Variants in PDGFRL observed in about 807,000 individuals in gnomAD.
PDGFRL encodes platelet-derived growth factor receptor-like protein.
Under a neutral mutation model 37.2 loss-of-function variants are expected in PDGFRL, and 46 were observed. The observed-to-expected ratio is 1.24, with a 90% CI of 0.98 to 1.58. The LOEUF (loss-of-function observed/expected upper bound fraction) is 1.58. PDGFRL is among the 40% of genes most tolerant of loss of function. The pLI is 0.00. For synonymous variants in PDGFRL, 251 were observed against 184.3 expected, an observed-to-expected ratio of 1.36 and a Z score of -2.93; for missense variants, 692 against 467.6, an observed-to-expected ratio of 1.48 and a Z score of -4.43.
intron 2 of PDGFRL, among the ~76,000 whole-genome samples, chr8:17,595,065 A>C (rs1217607574): frequency 6.6e-6 from 1 of 151,928 alleles, no homozygotes; most frequent in Non-Finnish European, 1.5e-5. Context: ...TTTTGAATAC[A>C]CAAGCCGGGT....
intron 4 of PDGFRL, among the ~76,000 whole-genome samples, chr8:17,629,960 C>T (rs894804418): frequency 5.3e-5 from 8 of 152,276 alleles, no homozygotes; most frequent in African/African-American, 1.7e-4. Context: ...ACTCACTACC[C>T]ACACCCGGCA....
intron 2 of PDGFRL, among the ~76,000 whole-genome samples, 187 bp downstream of exon 2, chr8:17,589,952 C>G (rs1803899325): frequency 6.6e-6 from 1 of 151,982 alleles, no homozygotes; most frequent in Admixed American, 6.6e-5. Context: ...CAATTGCAGG[C>G]CGGGTGCGGT....
chr8:17,641,892 G>C (rs1445993701), intron 5 of PDGFRL, among the ~76,000 whole-genome samples: 1 of 8,244 alleles, frequency 1.2e-4, no homozygotes, highest in Non-Finnish European at 2.2e-4. Context: ...ATTTTCAATA[G>C]AGGTCCCCGC....
At chr8:17,601,654 A>G (rs1264787739) in intron 2 of PDGFRL, among the ~76,000 whole-genome samples, 1 of 151,966 alleles carries the variant, frequency 6.6e-6, no homozygotes, top group East Asian at 1.9e-4. Context: ...TGTGTCTATA[A>G]TTCCTGTCTT....
At chr8:17,624,647 C>T (rs1012102967) in intron 3 of PDGFRL, among the ~76,000 whole-genome samples, 1 of 152,126 alleles carries the variant, frequency 6.6e-6, no homozygotes, top group Non-Finnish European at 1.5e-5. Flanking sequence ...TGGCTCATGC[C>T]TATAATCCCC....
rs1409629457 is a variant in PDGFRL at position 17,580,822 on chromosome 8, G to T, written c.55+3515G>T. On this transcript the variant is annotated intron_variant, in intron 1 of 5. Coordinates refer to ENST00000251630, the MANE Select transcript of PDGFRL (RefSeq NM_001372073.1). ...TAAGATGCGGGTAGAATCCTTCCCT[G>T]CCTCCACTAGCTTCTGGTTGTGGTC... is the stretch of plus-strand genomic sequence containing the variant. 2.6e-5 allele frequency among the ~76,000 whole-genome samples: 4 copies of T among 152,086 alleles called. No homozygotes were observed. In the East Asian group the frequency reaches 7.7e-4, roughly 29 times the overall value.
chr8:17,581,203 A>G (rs1039095433), intron 1 of PDGFRL, among the ~76,000 whole-genome samples: 2 of 152,122 alleles, frequency 1.3e-5, no homozygotes, highest in Non-Finnish European at 2.9e-5. Flanking sequence ...ATGGATAGCC[A>G]TAAGCCTGCC....
intron 5 of PDGFRL, among the ~76,000 whole-genome samples, chr8:17,638,777 AT>A (rs1563532528): frequency 4.3e-4 from 40 of 92,964 alleles, no homozygotes; most frequent in South Asian, 1.6e-3. Context: ...ATATATATAT[AT>A]ATATATATAA....
chr8:17,587,497 A>T (rs1803841598), intron 1 of PDGFRL, among the ~76,000 whole-genome samples: 1 of 152,146 alleles, frequency 6.6e-6, no homozygotes, highest in Admixed American at 6.5e-5. Context: ...TAAAGTATTT[A>T]TGGGGCACAG....
intron 4 of PDGFRL, among the ~76,000 whole-genome samples, chr8:17,632,436 G>A (rs1277983969): frequency 6.6e-6 from 1 of 151,868 alleles, no homozygotes; most frequent in African/African-American, 2.4e-5. Context: ...CACCTCCTGG[G>A]CTCGAGGGAT....
intron 2 of PDGFRL, among the ~76,000 whole-genome samples, chr8:17,609,104 C>T (rs1804349311): frequency 1.3e-5 from 2 of 152,148 alleles, no homozygotes; most frequent in South Asian, 4.1e-4. Context: ...CCCTGTGGTC[C>T]TGGCTGCTTG....
intron 2 of PDGFRL, among the ~76,000 whole-genome samples, chr8:17,616,360 A>G (rs565451757): frequency 6.6e-6 from 1 of 151,910 alleles, no homozygotes; most frequent in East Asian, 1.9e-4. Flanking sequence ...GCGCCCAGCT[A>G]ATTTTTGTAT....
chr8:17,607,898 T>C (rs368298006), intron 2 of PDGFRL, among the ~76,000 whole-genome samples: 2 of 152,164 alleles, frequency 1.3e-5, no homozygotes, highest in Admixed American at 6.5e-5. Flanking sequence ...AATGGCACAT[T>C]TATAAAAAAG....
chr8:17,581,036 T>G (rs1235136248), intron 1 of PDGFRL, among the ~76,000 whole-genome samples: 3 of 152,062 alleles, frequency 2.0e-5, no homozygotes, highest in African/African-American at 7.2e-5. Flanking sequence ...CATGCTAACT[T>G]GATTACATTT....
At chr8:17,637,205 A>G (rs1358070121) in intron 5 of PDGFRL, among the ~76,000 whole-genome samples, 1 of 152,318 alleles carries the variant, frequency 6.6e-6, no homozygotes, top group Admixed American at 6.5e-5. Context: ...AAATGCTTTC[A>G]ACTTTTTCCC....
intron 2 of PDGFRL, among the ~76,000 whole-genome samples, chr8:17,620,376 TGATA>T (rs1275201019): frequency 1.3e-5 from 2 of 152,180 alleles, no homozygotes; most frequent in African/African-American, 4.8e-5. Flanking sequence ...CAGTTTTTAG[TGATA>T]GATTTTGCTT....
At chr8:17,597,328 GT>G (rs1170459473) in intron 2 of PDGFRL, among the ~76,000 whole-genome samples, 87 of 152,324 alleles carry the variant, frequency 5.7e-4, no homozygotes, top group African/African-American at 2.0e-3. Flanking sequence ...GCCAAGCCTT[GT>G]AGTTATAACC....
intron 2 of PDGFRL, among the ~76,000 whole-genome samples, chr8:17,593,423 C>T (rs994183621): frequency 8.5e-6 from 1 of 118,050 alleles, no homozygotes; most frequent in Non-Finnish European, 1.8e-5. Context: ...GAAACCATCT[C>T]TACTAAAAAT....
intron 3 of PDGFRL, among the ~76,000 whole-genome samples, chr8:17,627,258 A>G (rs1804752136): frequency 6.6e-6 from 1 of 152,158 alleles, no homozygotes; most frequent in African/African-American, 2.4e-5. Flanking sequence ...TGCTTTCCTA[A>G]ATATTGAGTT....
Sources: allele counts gnomAD v4.1 joint callset (sites outside exome capture counted in the v4.1 genomes callset), GRCh38; gene constraint gnomAD v4.1.1; transcripts MANE v1.5; gene names NCBI Gene and HGNC (gene_info 2026-07-23, HGNC 2026-07-21).